Variants in PCDHGC4 observed in about 807,000 individuals in gnomAD.
The protein encoded by PCDHGC4 is protocadherin gamma-C4.
Under a neutral mutation model 59.7 loss-of-function variants are expected in PCDHGC4, and 15 were observed. That is an observed-to-expected ratio of 0.25 (90% CI 0.17 to 0.39). The LOEUF is 0.39. PCDHGC4 is among the 10% of genes least tolerant of loss of function. PCDHGC4 has a pLI of 1.00. For missense variants in PCDHGC4, 1,016 were observed against 1,189.5 expected, an observed-to-expected ratio of 0.85 and a Z score of 2.15; for synonymous variants, 434 against 481.4, an observed-to-expected ratio of 0.90 and a Z score of 1.29.
In PCDHGC4 at chr5:141,485,126, G is replaced by C; in HGVS notation, c.-48G>C. ...TGCTGTGGCTGTTTGGGGCGGGTCG[G>C]CTTCATCCGCGTCTCAGGAGCAAGT... On this transcript the variant is annotated 5_prime_UTR_variant, in exon 1 of 4. Transcript: ENST00000306593. The surrounding 1 kb of genome is among the most constrained non-coding windows in gnomAD (Gnocchi z 5.7). 1.4e-6 allele frequency: 2 copies of C among 1,432,378 alleles called. No homozygotes were observed. The highest frequency in any genetic ancestry group is 2.4e-5 in the South Asian group (2 of 81,724). 88.7% of individuals were successfully genotyped at this position (1,432,378 alleles called of 1,614,324 possible). A position where few individuals can be genotyped will look rare whatever the true frequency, so the allele number is the denominator to read the frequency against.
chr5:141,498,306 A>C (rs2099783027), intron 2 of PCDHGC4, among the ~76,000 whole-genome samples: 1 of 151,810 alleles, frequency 6.6e-6, no homozygotes, highest in African/African-American at 2.4e-5. Flanking sequence ...TCTGGGTCAC[A>C]CTGCCTACAC....
rs561817609 is a variant in PCDHGC4, at chr5:141,496,904, G to A, written c.2501+2039G>A. Among the ~76,000 whole-genome samples, 12 of 137,476 alleles carry A rather than the reference G, an allele frequency of 8.7e-5. 1 individual carries two copies. The South Asian group carries it at 2.0e-3, about 23-fold the overall frequency. The allele number at this position is 137,476 out of a possible 152,430, so 90.2% of individuals were successfully genotyped here. On this transcript the variant is annotated intron_variant, in intron 2 of 3. Transcript: ENST00000306593. ...AGTAACACTTAAAAAAAAAAAAAAA[G>A]GCTGGGCACTGTGGTTCACGCCTGT...
At position 141,490,712 on chromosome 5, in the gene PCDHGC4, A is replaced by T; in HGVS notation, c.2442+3097A>T. The stretch of plus-strand genomic sequence containing the variant: ...ACTGGGGATAATGCCCGCCTCACCT[A>T]CTCCATTGTAGGAAATCAGGTTCAG... On this transcript the variant is annotated intron_variant, in intron 1 of 3. Transcript: ENST00000306593. The surrounding 1 kb of genome is among the most constrained non-coding windows in gnomAD (Gnocchi z 5.4). The T allele has an allele frequency of 6.2e-7, 1 of 1,613,686 alleles. No homozygotes were observed. The highest frequency in any genetic ancestry group is 8.5e-7 in the Non-Finnish European group (1 of 1,179,894).
At position 141,496,266 on chromosome 5, in the gene PCDHGC4, AAGACCTTC is replaced by A. The variant is rs2099767586; in HGVS notation, c.2501+1404_2501+1411del. Among the ~76,000 whole-genome samples the A allele has an allele frequency of 2.0e-5, 3 of 152,152 alleles. No homozygotes were observed. The South Asian group carries it at 6.2e-4, about 32-fold the overall frequency. Reference sequence around the variant, plus strand: ...TGAAGGGGAGGGAAACTTCAGCAGAAAGACCTTCAGTTGGTCTGAGCAGAGTGGGATAG... The same window carrying A: ...TGAAGGGGAGGGAAACTTCAGCAGAAAGTTGGTCTGAGCAGAGTGGGATAG... On this transcript the variant is annotated intron_variant, in intron 2 of 3. Coordinates refer to ENST00000306593, the MANE Select transcript of PCDHGC4 (RefSeq NM_018928.3).
Position 141,490,019 on chromosome 5 carries a change from T to C in PCDHGC4, c.2442+2404T>C. 2 of 1,614,272 alleles carry C rather than the reference T, an allele frequency of 1.2e-6. No homozygotes were observed. Among genetic ancestry groups the C allele is most frequent in the East Asian group, 2.2e-5 (1 of 44,886 alleles). ...CCAGAGAATGCACCCATTGGTACTCTGCTGCTCCGCCTCAATGCCACTGAT... is the reference window on the plus strand; with the variant it reads ...CCAGAGAATGCACCCATTGGTACTCCGCTGCTCCGCCTCAATGCCACTGAT... On this transcript the variant is annotated intron_variant, in intron 1 of 3. Coordinates refer to ENST00000306593, the MANE Select transcript of PCDHGC4 (RefSeq NM_018928.3). This position sits in a 1 kb window ranked among gnomAD's most constrained non-coding sequence, Gnocchi z 5.4.
At position 141,487,235 on chromosome 5, in the gene PCDHGC4, C is replaced by A. The variant is rs752316565; in HGVS notation, c.2062C>A (p.Arg688Ser). ...ESSAPREGES[R>S]LTLYLAVSLV... ...TTCAGCTCCAAGGGAAGGAGAATCT[C>A]GTCTAACCCTCTACTTGGCTGTGTC... Residue 688 changes from arginine (R) to serine (S), a missense_variant, in exon 1 of 4, where the codon CGT (arginine) becomes AGT (serine). Physicochemically the swap from Arg to Ser is moderately radical, Grantham distance 110. Coordinates refer to ENST00000306593, the MANE Select transcript of PCDHGC4 (RefSeq NM_018928.3). This position sits in a 1 kb window ranked among gnomAD's most constrained non-coding sequence, Gnocchi z 5.0. 11 of 1,614,126 alleles carry A rather than the reference C, an allele frequency of 6.8e-6. No homozygotes were observed. The highest frequency in any genetic ancestry group is 7.6e-6 in the Non-Finnish European group (9 of 1,179,994).
intron 3 of PCDHGC4, among the ~76,000 whole-genome samples, chr5:141,508,871 A>T (rs981330486): frequency 5.3e-5 from 8 of 152,062 alleles, no homozygotes; most frequent in East Asian, 3.9e-4. Flanking sequence ...AAGGCTGAAG[A>T]GGCTGACGGC....
chr5:141,494,510 C>T (rs1462702765), intron 1 of PCDHGC4, among the ~76,000 whole-genome samples: 1 of 152,156 alleles, frequency 6.6e-6, no homozygotes, highest in Non-Finnish European at 1.5e-5. Context: ...TGAATTTTGG[C>T]TCAGGAGTTC....
At chr5:141,500,959 C>T (rs2099804326) in intron 2 of PCDHGC4, among the ~76,000 whole-genome samples, 1 of 152,022 alleles carries the variant, frequency 6.6e-6, no homozygotes, top group South Asian at 2.1e-4. Flanking sequence ...AGCTCCACCT[C>T]CTGGGTTCAA....
Position 141,487,540 on chromosome 5 carries a change from G to T in PCDHGC4, c.2367G>T (p.Lys789Asn), listed in dbSNP as rs1319372340. The T allele has an allele frequency of 1.2e-6, 2 of 1,614,208 alleles. No homozygotes were observed. Among genetic ancestry groups the T allele is most frequent in the Admixed American group, 3.3e-5 (2 of 60,034 alleles). ...PTRSDSFMMV[K>N]SPSAPMAGEP... ...GGAGTGATAGCTTCATGATGGTGAA[G>T]TCACCCAGTGCACCTATGGCAGGGG... is the stretch of plus-strand genomic sequence containing the variant. The change falls in exon 1 of 4, where the codon AAG (lysine) becomes AAT (asparagine). Residue 789 changes from lysine (K) to asparagine (N), a missense_variant. By Grantham distance (94) the Lys-to-Asn change is moderately conservative. Transcript: ENST00000306593. This position sits in a 1 kb window ranked among gnomAD's most constrained non-coding sequence, Gnocchi z 5.0.
In PCDHGC4 at chr5:141,486,727, T is replaced by C; in HGVS notation, c.1554T>C (p.His518=). ...TGAACCCCCAGACAGGAGCTGTTCA[T>C]GCTACTCGATCCTTTGACTATGAGC... The part of the protein sequence containing the change: ...ISLNPQTGAV[H]ATRSFDYEQT... Residue 518 remains histidine (H), a synonymous_variant, in exon 1 of 4, where the codon CAT becomes CAC. Transcript: ENST00000306593. The surrounding 1 kb of genome is among the most constrained non-coding windows in gnomAD (Gnocchi z 5.0). 6.2e-7 allele frequency: 1 copy of C among 1,614,232 alleles called. No homozygotes were observed. Among genetic ancestry groups the C allele is most frequent in the Non-Finnish European group, 8.5e-7 (1 of 1,180,044 alleles).
In PCDHGC4 at chr5:141,490,761, G is replaced by GTA. The variant is rs1380770489; in HGVS notation, c.2442+3148_2442+3149dup. The GTA allele has an allele frequency of 6.2e-7, 1 of 1,614,048 alleles. No individual in the cohort carries two copies. The highest frequency in any genetic ancestry group is 1.3e-5 in the African/African-American group (1 of 74,920). On this transcript the variant is annotated intron_variant, in intron 1 of 3. Coordinates refer to ENST00000306593, the MANE Select transcript of PCDHGC4 (RefSeq NM_018928.3). The surrounding 1 kb of genome is among the most constrained non-coding windows in gnomAD (Gnocchi z 5.4). ...AGGGAGCCCCAGCCTCCTCCTTTGT[G>GTA]TATGTCAACCCAGAGGATGGACGGA...
At chr5:141,501,997 C>A (rs2099812238) in intron 2 of PCDHGC4, among the ~76,000 whole-genome samples, 1 of 152,128 alleles carries the variant, frequency 6.6e-6, no homozygotes, top group Non-Finnish European at 1.5e-5. Context: ...GTCTCCCTGA[C>A]AACCCGCATG....
chr5:141,489,354 G>A lies in PCDHGC4; in HGVS notation c.2442+1739G>A, dbSNP rs773010251. On this transcript the variant is annotated intron_variant, in intron 1 of 3. Coordinates refer to ENST00000306593, the MANE Select transcript of PCDHGC4 (RefSeq NM_018928.3). The surrounding 1 kb of genome is among the most constrained non-coding windows in gnomAD (Gnocchi z 4.5). ...AGCTTCGTTACTCAGTGGTGGAGGA[G>A]TCTGAGCCGGGGACGCTGGTGGGGA... The A allele has an allele frequency of 1.2e-5, 19 of 1,612,796 alleles. No homozygotes were observed. Among genetic ancestry groups the A allele is most frequent in the East Asian group, 2.2e-5 (1 of 44,868 alleles).
rs1263406836 is a variant in PCDHGC4 at position 141,491,918 on chromosome 5, G to A, written c.2443-2889G>A. On this transcript the variant is annotated intron_variant, in intron 1 of 3. Coordinates refer to ENST00000306593, the MANE Select transcript of PCDHGC4 (RefSeq NM_018928.3). The surrounding 1 kb of genome is among the most constrained non-coding windows in gnomAD (Gnocchi z 6.9). ...GCACCGGGGGTGGTGGCGACTGTGGGCGAGGGGAGGTGGGACCGACCCCCA... is the reference window on the plus strand; with the variant it reads ...GCACCGGGGGTGGTGGCGACTGTGGACGAGGGGAGGTGGGACCGACCCCCA... 2 of 1,371,698 alleles carry A rather than the reference G, an allele frequency of 1.5e-6. No homozygotes were observed. Among genetic ancestry groups the A allele is most frequent in the Non-Finnish European group, 1.9e-6 (2 of 1,028,962 alleles). 85.0% of individuals were successfully genotyped at this position (1,371,698 alleles called of 1,614,324 possible).
chr5:141,504,728 G>A (rs978910481), intron 2 of PCDHGC4, among the ~76,000 whole-genome samples: 5 of 151,522 alleles, frequency 3.3e-5, no homozygotes, highest in African/African-American at 9.7e-5. Context: ...TACTCTGAGG[G>A]CTTAGGAAGC....
intron 2 of PCDHGC4, among the ~76,000 whole-genome samples, chr5:141,502,705 T>C (rs1475675789): frequency 6.6e-6 from 1 of 152,248 alleles, no homozygotes; most frequent in African/African-American, 2.4e-5. Context: ...TATCTGTTTT[T>C]ACATCAGTGA....
At chr5:141,500,469 AAAG>A (rs1479386829) in intron 2 of PCDHGC4, among the ~76,000 whole-genome samples, 1 of 152,052 alleles carries the variant, frequency 6.6e-6, no homozygotes, top group Non-Finnish European at 1.5e-5. Context: ...TCGGCCTCCC[AAAG>A]TGCTGGGATT....
At chr5:141,500,438 T>C (rs977844035) in intron 2 of PCDHGC4, among the ~76,000 whole-genome samples, 2 of 151,816 alleles carry the variant, frequency 1.3e-5, no homozygotes, top group African/African-American at 4.8e-5. Flanking sequence ...CTCGATCTCC[T>C]GACCTCGTGA....
Sources: allele counts gnomAD v4.1 joint callset (sites outside exome capture counted in the v4.1 genomes callset), GRCh38; gene constraint gnomAD v4.1.1; non-coding constraint Gnocchi (gnomAD v3.1); transcripts MANE v1.5; gene names NCBI Gene and HGNC (gene_info 2026-07-23, HGNC 2026-07-21).